Variants in GNA12 observed in about 807,000 individuals in gnomAD.
GNA12 encodes the protein G protein subunit alpha 12.
GNA12 carries 9 observed loss-of-function variants against 26.0 expected under a neutral mutation model. That is an observed-to-expected ratio of 0.35 (90% CI 0.21 to 0.60). GNA12 has a LOEUF of 0.60. Among genes scored for constraint, GNA12 ranks in the 20% least tolerant of loss-of-function variants. The probability of loss-of-function intolerance (pLI) is 0.78; values close to 1 mark genes in which losing one functional copy is unlikely to be tolerated. For synonymous variants in GNA12, 264 were observed against 219.6 expected (o/e 1.20, Z -1.79); for missense variants, 405 against 525.8 (o/e 0.77, Z 2.25).
chr7:2,821,096 C>CA (rs1228434090), intron 1 of GNA12, among the ~76,000 whole-genome samples: 2 of 152,210 alleles, frequency 1.3e-5, no homozygotes, highest in Non-Finnish European at 2.9e-5. Context: ...TCCCATTTCA[C>CA]AAAAATGTTG....
At chr7:2,833,630 G>A (rs1275567633) in intron 1 of GNA12, among the ~76,000 whole-genome samples, 1 of 152,134 alleles carries the variant, frequency 6.6e-6, no homozygotes, top group Non-Finnish European at 1.5e-5. Context: ...AGATGTTTTT[G>A]CATTTGTTTT....
At chr7:2,747,532 G>C (rs915590377) in intron 2 of GNA12, among the ~76,000 whole-genome samples, 4 of 152,116 alleles carry the variant, frequency 2.6e-5, no homozygotes, top group Non-Finnish European at 4.4e-5. Flanking sequence ...AAAATAATAA[G>C]AGCTATCTAT....
At chr7:2,819,332 C>T (rs62441399) in intron 1 of GNA12, among the ~76,000 whole-genome samples, 3,926 of 152,296 alleles carry the variant, frequency 0.026, 103 homozygotes, top group Non-Finnish European at 0.03. Flanking sequence ...CTGGAACCTT[C>T]CTGTTAGTCT....
chr7:2,818,502 C>G (rs1242266043), intron 1 of GNA12, among the ~76,000 whole-genome samples: 1 of 151,890 alleles, frequency 6.6e-6, no homozygotes, highest in Non-Finnish European at 1.5e-5. Flanking sequence ...GTGGCTCATG[C>G]CTGTAATCCC....
intron 2 of GNA12, among the ~76,000 whole-genome samples, chr7:2,788,318 G>C (rs1792418383): frequency 6.6e-6 from 1 of 152,170 alleles, no homozygotes; most frequent in African/African-American, 2.4e-5. Context: ...CCTTGTCGCT[G>C]TGGCCAGGTA....
intron 1 of GNA12, among the ~76,000 whole-genome samples, chr7:2,803,263 C>T (rs1213127749): frequency 6.6e-6 from 1 of 152,222 alleles, no homozygotes; most frequent in African/African-American, 2.4e-5. Context: ...GCCAGAATCG[C>T]CACCGCTGGT....
chr7:2,765,479 A>T (rs1791765061), intron 2 of GNA12, among the ~76,000 whole-genome samples: 1 of 152,118 alleles, frequency 6.6e-6, no homozygotes, highest in Admixed American at 6.5e-5. Flanking sequence ...AGACTTTGTT[A>T]AATGAATGAG....
chr7:2,794,750 G>A (rs1792608429), intron 2 of GNA12, 178 bp downstream of exon 2: 3 of 606,732 alleles, frequency 4.9e-6, no homozygotes, highest in East Asian at 2.8e-5. Flanking sequence ...CCCCTCTTGA[G>A]CCTTTTATAT....
In GNA12 at chr7:2,806,557, T is replaced by C. The variant is rs375963052; in HGVS notation, c.310-11414A>G. ...TTTAGTGCAAAAAATAGAGGAAATA[T>C]AGAAATACATAAAGAAGAAAATTAA... On this transcript the variant is annotated intron_variant, in intron 1 of 3. Coordinates refer to ENST00000275364, the MANE Select transcript of GNA12 (RefSeq NM_007353.3). Among the ~76,000 whole-genome samples the C allele has an allele frequency of 2.4e-4, 37 of 151,436 alleles. No homozygotes were observed. In the South Asian group the frequency reaches 7.3e-3, roughly 30 times the overall value.
intron 1 of GNA12, among the ~76,000 whole-genome samples, chr7:2,813,113 G>A (rs1328398637): frequency 6.6e-6 from 1 of 152,162 alleles, no homozygotes; most frequent in Non-Finnish European, 1.5e-5. Flanking sequence ...TAGACACACA[G>A]TCTTGCTATG....
intron 2 of GNA12, among the ~76,000 whole-genome samples, chr7:2,783,082 T>C (rs1792270295): frequency 1.3e-5 from 2 of 152,200 alleles, no homozygotes; most frequent in African/African-American, 2.4e-5. Context: ...ATCTGAAGCA[T>C]GTAGGTCTGA....
chr7:2,756,995 G>A (rs1002444514), intron 2 of GNA12, among the ~76,000 whole-genome samples: 1 of 152,172 alleles, frequency 6.6e-6, no homozygotes, highest in Non-Finnish European at 1.5e-5. Context: ...GTTCTCTTGA[G>A]CTGGGGAGTT....
chr7:2,743,802 G>C (rs947111895), intron 2 of GNA12, among the ~76,000 whole-genome samples: 2 of 152,108 alleles, frequency 1.3e-5, no homozygotes, highest in African/African-American at 4.8e-5. Context: ...ATAGCACCTG[G>C]AAAATTGGGT....
intron 1 of GNA12, among the ~76,000 whole-genome samples, chr7:2,801,565 CAAGAA>C (rs1792810026): frequency 6.6e-6 from 1 of 152,210 alleles, no homozygotes; most frequent in African/African-American, 2.4e-5. Context: ...CACCCAACCA[CAAGAA>C]AAGACTCCTC....
intron 1 of GNA12, among the ~76,000 whole-genome samples, chr7:2,813,220 A>G (rs1793128643): frequency 6.6e-6 from 1 of 152,234 alleles, no homozygotes; most frequent in African/African-American, 2.4e-5. Flanking sequence ...CTATAACAAG[A>G]GGTTACAGTT....
At chr7:2,842,888 G>A (rs536573981) in intron 1 of GNA12, among the ~76,000 whole-genome samples, 1 of 152,350 alleles carries the variant, frequency 6.6e-6, no homozygotes, top group East Asian at 1.9e-4. Flanking sequence ...TGGAGACCAT[G>A]GGGAGGGCAC....
At position 2,844,017 on chromosome 7, in the gene GNA12, G is replaced by A. The variant is rs1310334094; in HGVS notation, c.145C>T (p.Arg49Cys). 4 of 1,480,330 alleles carry A rather than the reference G, an allele frequency of 2.7e-6. No homozygotes were observed. The highest frequency in any genetic ancestry group is 3.6e-6 in the Non-Finnish European group (4 of 1,110,480). 91.7% of individuals were successfully genotyped at this position (1,480,330 alleles called of 1,614,324 possible). Reference protein sequence around the residue: ...RSRDIDALLARERRAVRRLVK... With the variant: ...RSRDIDALLACERRAVRRLVK... ...AGGCGCCGGACCGCGCGCCGCTCGC[G>A]GGCCAGCAGCGCGTCGATGTCGCGG... The change falls in exon 1 of 4, where the codon CGC becomes TGC. Residue 49 changes from arginine (R) to cysteine (C), a missense_variant. Coordinates refer to ENST00000275364, the MANE Select transcript of GNA12 (RefSeq NM_007353.3).
chr7:2,812,636 A>AACATCACATC (rs3831678), intron 1 of GNA12, among the ~76,000 whole-genome samples: 4,815 of 134,142 alleles, frequency 0.036, 286 homozygotes, highest in African/African-American at 0.046. Context: ...TCTCAAAAAT[A>AACATCACATC]ACATCACATC....
At chr7:2,770,265 G>A (rs1791915118) in intron 2 of GNA12, among the ~76,000 whole-genome samples, 1 of 152,162 alleles carries the variant, frequency 6.6e-6, no homozygotes, top group African/African-American at 2.4e-5. Flanking sequence ...TGGCAAAATT[G>A]TTTAATAGGG....
Sources: gnomAD v4.1 joint callset for allele counts (sites outside exome capture counted in the v4.1 genomes callset) on GRCh38, gnomAD v4.1.1 for gene constraint, MANE v1.5 for transcripts, NCBI Gene and HGNC (gene_info 2026-07-23, HGNC 2026-07-21) for gene names.